SEL1L: variants seen among roughly 807,000 people sequenced by gnomAD.
SEL1L encodes SEL1L adaptor subunit of SYVN1 ubiquitin ligase, also known as protein sel-1 homolog 1.
In SEL1L, 52 loss-of-function variants were observed where a neutral mutation model predicts 109.8. The observed-to-expected ratio is 0.47, with a 90% CI of 0.38 to 0.60. The LOEUF is 0.60. SEL1L is among the 20% of genes least tolerant of loss of function. SEL1L has a pLI of 0.00. For missense variants in SEL1L, 749 were observed against 962.2 expected, an observed-to-expected ratio of 0.78 and a Z score of 2.93; for synonymous variants, 373 against 339.6, an observed-to-expected ratio of 1.10 and a Z score of -1.08.
chr14:81,493,820 A>C lies in SEL1L; in HGVS notation c.1185+1261T>G, dbSNP rs114797591. Among the ~76,000 whole-genome samples, 980 of 152,298 alleles carry C rather than the reference A, an allele frequency of 6.4e-3. 11 individuals are homozygous for C. Among genetic ancestry groups the C allele is most frequent in the African/African-American group, 0.022 (931 of 41,556 alleles). On this transcript the variant is annotated intron_variant, in intron 11 of 20. Transcript: ENST00000336735. ...TTCTCTGCAACATTTGGCAGAGTCC[A>C]TCATGGCTTCCTTCTCGACAGACTC...
At chr14:81,485,497 G>C (rs542055065) in intron 18 of SEL1L, among the ~76,000 whole-genome samples, 175 bp downstream of exon 18, 2 of 151,682 alleles carry the variant, frequency 1.3e-5, no homozygotes, top group East Asian at 1.9e-4. Context: ...TGCTGGCCAG[G>C]CTGGTTTCGG....
chr14:81,487,386 T>C lies in SEL1L; in HGVS notation c.1632+4A>G. On this transcript the variant is annotated splice_donor_region_variant and intron_variant, in intron 16 of 20. Transcript: ENST00000336735. ...TACACACAAGCTGGTAGGAAAGACC[T>C]TACCTCCACTGCAGTGTGACATGAT... 1 of 1,570,920 alleles carries C rather than the reference T, an allele frequency of 6.4e-7. No individual in the cohort carries two copies.
chr14:81,518,314 A>T (rs1479330925), intron 3 of SEL1L, among the ~76,000 whole-genome samples: 1 of 152,104 alleles, frequency 6.6e-6, no homozygotes, highest in East Asian at 1.9e-4. Flanking sequence ...AAAAAAAGTT[A>T]ATACAGAAAC....
In SEL1L at chr14:81,472,648, G is replaced by A. The variant is rs759061748; in HGVS notation, c.*4324C>T. Reference sequence around the variant, plus strand: ...TTATAATCAGGCTAAAGTGAATCACGCTTACTACATATCAAGGCTGCTTCA... The same window carrying A: ...TTATAATCAGGCTAAAGTGAATCACACTTACTACATATCAAGGCTGCTTCA... On this transcript the variant is annotated 3_prime_UTR_variant, in exon 21 of 21. Transcript: ENST00000336735. The A allele has an allele frequency of 7.0e-6, 3 of 427,872 alleles. No individual in the cohort carries two copies. The highest frequency in any genetic ancestry group is 2.1e-5 in the African/African-American group (1 of 48,098). 26.5% of individuals were successfully genotyped at this position (427,872 alleles called of 1,614,324 possible).
intron 1 of SEL1L, among the ~76,000 whole-genome samples, chr14:81,528,448 T>C (rs1885198164): frequency 6.6e-6 from 1 of 152,190 alleles, no homozygotes; most frequent in Non-Finnish European, 1.5e-5. Flanking sequence ...TGCTTTGGTG[T>C]TGTCTGATTA....
intron 1 of SEL1L, among the ~76,000 whole-genome samples, chr14:81,532,556 T>A (rs745992711): frequency 6.6e-5 from 10 of 152,176 alleles, no homozygotes; most frequent in Non-Finnish European, 8.8e-5. Flanking sequence ...GTAAAGTAAT[T>A]AGCATAGGGT....
intron 1 of SEL1L, 24 bp downstream of exon 1, chr14:81,533,651 C>G: frequency 6.2e-7 from 1 of 1,608,570 alleles, no homozygotes. Flanking sequence ...TCTGGGCCTT[C>G]AGCCCGAGGG....
Position 81,530,573 on chromosome 14 carries a change from G to C in SEL1L, c.71-2835C>G, listed in dbSNP as rs1885283247. 1.3e-5 allele frequency among the ~76,000 whole-genome samples: 2 copies of C among 152,016 alleles called. 1 individual carries two copies. The highest frequency in any genetic ancestry group is 2.9e-5 in the Non-Finnish European group (2 of 67,992). On this transcript the variant is annotated intron_variant, in intron 1 of 20. Transcript: ENST00000336735. ...ACTGCTTGGCACAAAGAAAAAAAAA[G>C]GTTAAGCCATTTGCCTCTTCTGCCA...
chr14:81,479,899 C>T (rs1903293541), intron 19 of SEL1L, among the ~76,000 whole-genome samples, 159 bp from the exon 20 acceptor site: 2 of 152,088 alleles, frequency 1.3e-5, no homozygotes, highest in Non-Finnish European at 2.9e-5. Context: ...GGGTAAAATT[C>T]GTTTAATTAT....
In SEL1L at chr14:81,486,375, T is replaced by C. The variant is rs1903520651; in HGVS notation, c.1712A>G (p.Tyr571Cys). Residue 571 changes from tyrosine (Y) to cysteine (C), a missense_variant, in exon 17 of 21, where the codon TAC becomes TGC. By Grantham distance (194) the Tyr-to-Cys change is radical (BLOSUM62 -2). Transcript: ENST00000336735. Reference sequence around the variant, plus strand: ...GAGGTACTGGATCACTGCAGCATTGTAATCGCCATCTTTATAGCTGTTATA... The same window carrying C: ...GAGGTACTGGATCACTGCAGCATTGCAATCGCCATCTTTATAGCTGTTATA... ...TAYNSYKDGD[Y>C]NAAVIQYLLL... The C allele has an allele frequency of 1.9e-6, 3 of 1,614,192 alleles. No individual in the cohort carries two copies. The highest frequency in any genetic ancestry group is 1.3e-5 in the African/African-American group (1 of 75,046).
chr14:81,510,514 C>CTCTCTCTATATATATATATATATA (rs35474067), intron 3 of SEL1L, among the ~76,000 whole-genome samples: 2 of 104,054 alleles, frequency 1.9e-5, no homozygotes, highest in African/African-American at 3.4e-5. Flanking sequence ...CTCTCTCTCT[C>CTCTCTCTATATATATATATATATA]TATATATATA....
In SEL1L at chr14:81,476,846, CA is replaced by C. The variant is rs1903174485; in HGVS notation, c.*125del. The stretch of plus-strand genomic sequence containing the variant: ...CAGATTCTAAGCAGCTTTAGGAATT[CA>C]ATGCTTCCTTGTGCCGTGCCTCTTC... On this transcript the variant is annotated 3_prime_UTR_variant, in exon 21 of 21. Transcript: ENST00000336735. The C allele has an allele frequency of 1.2e-6, 1 of 869,056 alleles. No individual in the cohort carries two copies. The highest frequency in any genetic ancestry group is 1.7e-5 in the African/African-American group (1 of 59,246). 53.8% of individuals were successfully genotyped at this position (869,056 alleles called of 1,614,324 possible). A position where few individuals can be genotyped will look rare whatever the true frequency, so the allele number is the denominator to read the frequency against.
Position 81,499,515 on chromosome 14 carries a change from G to A in SEL1L, c.835C>T (p.Leu279Phe). ...AGAGCTCCAAATGTATAATATACAA[G>A]AGCCTGTGAAAGAACAAAACATGTT... ...LGVNSSQAKA[L>F]VYYTFGALGG... is the part of the protein sequence containing the mutation. The change falls in exon 8 of 21, where the codon CTT becomes TTT. Residue 279 changes from leucine (L) to phenylalanine (F), a missense_variant. Around this residue, in one of 2 missense-constraint regions of SEL1L, gnomAD observed 366 missense variants for 399.8 expected, o/e 0.92. Transcript: ENST00000336735. The A allele has an allele frequency of 6.2e-7, 1 of 1,611,554 alleles. No homozygotes were observed. Among genetic ancestry groups the A allele is most frequent in the Non-Finnish European group, 8.5e-7 (1 of 1,179,272 alleles).
intron 3 of SEL1L, among the ~76,000 whole-genome samples, chr14:81,522,137 T>G (rs1040248798): frequency 2.0e-5 from 3 of 152,194 alleles, no homozygotes; most frequent in African/African-American, 2.4e-5. Flanking sequence ...TACAAAATAG[T>G]TGAAAAGCTA....
intron 1 of SEL1L, among the ~76,000 whole-genome samples, chr14:81,533,225 T>C (rs1000832882): frequency 4.6e-5 from 7 of 152,182 alleles, no homozygotes; most frequent in African/African-American, 9.7e-5. Flanking sequence ...TTAAGCAAAC[T>C]ACTGTCAACA....
chr14:81,498,329 A>G lies in SEL1L; in HGVS notation c.973+84T>C. The G allele has an allele frequency of 3.4e-6, 4 of 1,179,996 alleles. No homozygotes were observed. In the South Asian group the frequency reaches 5.8e-5, roughly 17 times the overall value. The allele number at this position is 1,179,996 out of a possible 1,614,324, so 73.1% of individuals were successfully genotyped here. On this transcript the variant is annotated intron_variant, in intron 9 of 20. Coordinates refer to ENST00000336735, the MANE Select transcript of SEL1L (RefSeq NM_005065.6). ...ATAAAAGAGCCATTTATAATACTTC[A>G]AATAGAACAATAAAAATAGAAATGT...
At chr14:81,491,972 A>C (rs1481860932) in intron 12 of SEL1L, among the ~76,000 whole-genome samples, 1 of 152,216 alleles carries the variant, frequency 6.6e-6, no homozygotes, top group Non-Finnish European at 1.5e-5. Context: ...ACAAAAAGTA[A>C]GAGCTCAGTG....
At chr14:81,508,085 T>A (rs1884313384) in intron 3 of SEL1L, among the ~76,000 whole-genome samples, 1 of 152,166 alleles carries the variant, frequency 6.6e-6, no homozygotes, top group Non-Finnish European at 1.5e-5. Context: ...GTTCAAGAGA[T>A]GACAGCTGCT....
At chr14:81,484,443 T>A in intron 18 of SEL1L, 46 bp from the exon 19 acceptor site, 1 of 1,521,706 alleles carries the variant, frequency 6.6e-7, no homozygotes, top group Non-Finnish European at 8.9e-7. Flanking sequence ...TAAAGTATGT[T>A]TAAAACAGAT....
Sources: gnomAD v4.1 joint callset for allele counts (sites outside exome capture counted in the v4.1 genomes callset) on GRCh38, gnomAD v4.1.1 for gene constraint, gnomAD v4.1.1 regional missense constraint, MANE v1.5 for transcripts, NCBI Gene and HGNC (gene_info 2026-07-23, HGNC 2026-07-21) for gene names.